Variants in NET1 observed in about 807,000 individuals in gnomAD.
NET1 encodes neuroepithelial cell transforming 1.
In NET1, 42 loss-of-function variants were observed where a neutral mutation model predicts 61.1. That is an observed-to-expected ratio of 0.69 (90% CI 0.54 to 0.89). NET1 has a LOEUF of 0.89. Ranked by LOEUF, NET1 falls within the 40% of genes least tolerant of loss-of-function variation. NET1 has a pLI of 0.00. For synonymous variants in NET1, 254 were observed against 281.8 expected, an observed-to-expected ratio of 0.90 and a Z score of 0.99; for missense variants, 654 against 747.3, an observed-to-expected ratio of 0.88 and a Z score of 1.46.
In NET1 at chr10:5,417,246, G is replaced by A. The variant is rs540126929; in HGVS notation, c.128+4426G>A. Among the ~76,000 whole-genome samples, 4 of 152,112 alleles carry A rather than the reference G, an allele frequency of 2.6e-5. No individual in the cohort carries two copies. The highest frequency in any genetic ancestry group is 2.1e-4 in the South Asian group (1 of 4,796). ...CTGTGTGTCTGCCTGCTAGGGTCTCGGGGGGTTTTTATAGGCACAGGTGGG... is the reference window on the plus strand; with the variant it reads ...CTGTGTGTCTGCCTGCTAGGGTCTCAGGGGGTTTTTATAGGCACAGGTGGG... On this transcript the variant is annotated intron_variant, in intron 1 of 11. Transcript: ENST00000355029. The surrounding 1 kb of genome is among the most constrained non-coding windows in gnomAD (Gnocchi z 5.5).
In NET1 at chr10:5,426,736, G is replaced by T; in HGVS notation, c.195+15G>T. 6.3e-7 allele frequency: 1 copy of T among 1,576,602 alleles called. No homozygotes were observed. The highest frequency in any genetic ancestry group is 1.2e-5 in the South Asian group (1 of 85,940). The stretch of plus-strand genomic sequence containing the variant: ...ACTTCACTTTGGTGAGTAGATACCT[G>T]GGTTTTTATTTCGAGACATTAGATA... On this transcript the variant is annotated intron_variant, in intron 2 of 11. Coordinates refer to ENST00000355029, the MANE Select transcript of NET1 (RefSeq NM_001047160.3). This position sits in a 1 kb window ranked among gnomAD's most constrained non-coding sequence, Gnocchi z 4.6.
In NET1 at chr10:5,421,968, C is replaced by G. The variant is rs1267633738; in HGVS notation, c.129-4687C>G. On this transcript the variant is annotated intron_variant, in intron 1 of 11. Coordinates refer to ENST00000355029, the MANE Select transcript of NET1 (RefSeq NM_001047160.3). This position sits in a 1 kb window ranked among gnomAD's most constrained non-coding sequence, Gnocchi z 4.2. Reference sequence around the variant, plus strand: ...ATGAATATACTACATTTTGTCAACTCCATTTACCAGCTGTTGTACATTTGA... The same window carrying G: ...ATGAATATACTACATTTTGTCAACTGCATTTACCAGCTGTTGTACATTTGA... Among the ~76,000 whole-genome samples the G allele has an allele frequency of 6.6e-6, 1 of 152,230 alleles. No homozygotes were observed. The highest frequency in any genetic ancestry group is 2.4e-5 in the African/African-American group (1 of 41,452).
At position 5,426,267 on chromosome 10, in the gene NET1, C is replaced by T. The variant is rs899718531; in HGVS notation, c.129-388C>T. ...TATTTTTGTTTTTTAAAATACTATA[C>T]GTGAATATGTTGCTAAATTTTTTGC... On this transcript the variant is annotated intron_variant, in intron 1 of 11. Transcript: ENST00000355029. This position sits in a 1 kb window ranked among gnomAD's most constrained non-coding sequence, Gnocchi z 4.6. Among the ~76,000 whole-genome samples, 10 of 152,008 alleles carry T rather than the reference C, an allele frequency of 6.6e-5. No individual in the cohort carries two copies. The highest frequency in any genetic ancestry group is 1.7e-4 in the African/African-American group (7 of 41,408).
At position 5,456,815 on chromosome 10, in the gene NET1, G is replaced by T. The variant is rs755625540; in HGVS notation, c.1612G>T (p.Ala538Ser). ...GAGGAAACTCACAGCCCAGAGGAGG[G>T]CATCCACAGTTTCCAGTGTTACTCA... is the stretch of plus-strand genomic sequence containing the variant. Reference protein sequence around the residue: ...SARKLTAQRRASTVSSVTQVE... With the variant: ...SARKLTAQRRSSTVSSVTQVE... The change falls in exon 12 of 12, where the codon GCA becomes TCA. Residue 538 changes from alanine (A) to serine (S), a missense_variant. Transcript: ENST00000355029. The surrounding 1 kb of genome is among the most constrained non-coding windows in gnomAD (Gnocchi z 7.0). 1.5e-5 allele frequency: 24 copies of T among 1,613,554 alleles called. No homozygotes were observed. The highest frequency in any genetic ancestry group is 2.0e-5 in the Non-Finnish European group (24 of 1,179,820).
intron 3 of NET1, among the ~76,000 whole-genome samples, chr10:5,438,959 C>T (rs1832482076): frequency 6.6e-6 from 1 of 152,218 alleles, no homozygotes; most frequent in Non-Finnish European, 1.5e-5. Context: ...CTGGAATCCA[C>T]AACGTAAATC....
intron 3 of NET1, among the ~76,000 whole-genome samples, chr10:5,434,899 C>T (rs2119186994): frequency 6.6e-6 from 1 of 152,166 alleles, no homozygotes; most frequent in East Asian, 1.9e-4. Context: ...ATATTAATAT[C>T]CTCATCTGCA....
chr10:5,453,077 A>G lies in NET1; in HGVS notation c.594+157A>G. The G allele has an allele frequency of 1.1e-5, 8 of 706,620 alleles. No homozygotes were observed. The South Asian group carries it at 1.4e-4, about 12-fold the overall frequency. The allele number at this position is 706,620 out of a possible 1,614,324, so 43.8% of individuals were successfully genotyped here. ...GTGAGGTCTAGACACATCCTCAAAT[A>G]CAAGTATTAGTAAGAGAGTTTATTT... On this transcript the variant is annotated intron_variant, in intron 6 of 11. Transcript: ENST00000355029. This position sits in a 1 kb window ranked among gnomAD's most constrained non-coding sequence, Gnocchi z 4.9.
rs1248712991 is a variant in NET1 at position 5,412,591 on chromosome 10, C to T, written c.-102C>T. 1.7e-5 allele frequency: 22 copies of T among 1,291,604 alleles called. No homozygotes were observed. The highest frequency in any genetic ancestry group is 2.1e-5 in the Non-Finnish European group (21 of 988,638). The allele number at this position is 1,291,604 out of a possible 1,614,324, so 80.0% of individuals were successfully genotyped here. ...GATGACGGCGGTGGCGGCTGCAGTC[C>T]GCTGACAGGCGCTTTCTGCCTGGCA... is the stretch of plus-strand genomic sequence containing the variant. On this transcript the variant is annotated 5_prime_UTR_variant, in exon 1 of 12. Coordinates refer to ENST00000355029, the MANE Select transcript of NET1 (RefSeq NM_001047160.3). This position sits in a 1 kb window ranked among gnomAD's most constrained non-coding sequence, Gnocchi z 6.5.
At chr10:5,450,654 C>A (rs997491458) in intron 3 of NET1, among the ~76,000 whole-genome samples, 1 of 152,020 alleles carries the variant, frequency 6.6e-6, no homozygotes, top group African/African-American at 2.4e-5. Context: ...CCTGGATTCT[C>A]ATCAAAATTA....
At chr10:5,418,545 A>G (rs1037946649) in intron 1 of NET1, among the ~76,000 whole-genome samples, 1 of 151,908 alleles carries the variant, frequency 6.6e-6, no homozygotes, top group Non-Finnish European at 1.5e-5. Context: ...TTTTATGATG[A>G]TGGTCAATCT....
chr10:5,432,671 A>G (rs1832367460), intron 3 of NET1, among the ~76,000 whole-genome samples: 1 of 151,920 alleles, frequency 6.6e-6, no homozygotes, highest in Admixed American at 6.6e-5. Flanking sequence ...ATTCTTGTTC[A>G]TATTCCTGAC....
At position 5,449,996 on chromosome 10, in the gene NET1, C is replaced by G. The variant is rs906094920; in HGVS notation, c.256-1834C>G. 2.0e-5 allele frequency among the ~76,000 whole-genome samples: 3 copies of G among 152,184 alleles called. No homozygotes were observed. The highest frequency in any genetic ancestry group is 2.9e-5 in the Non-Finnish European group (2 of 68,036). ...TGAGGTAATTCTATCTTCAGTCCAA[C>G]AGGAGACTCTTTGTGCTGTCTTTAC... On this transcript the variant is annotated intron_variant, in intron 3 of 11. Transcript: ENST00000355029. The surrounding 1 kb of genome is among the most constrained non-coding windows in gnomAD (Gnocchi z 4.4).
intron 3 of NET1, among the ~76,000 whole-genome samples, chr10:5,442,810 G>A (rs1406725210): frequency 6.6e-6 from 1 of 150,616 alleles, no homozygotes; most frequent in African/African-American, 2.4e-5. Context: ...CCAGGAGGCA[G>A]AGGTTGCAGT....
intron 2 of NET1, among the ~76,000 whole-genome samples, chr10:5,428,245 C>T (rs1443370615): frequency 4.0e-5 from 6 of 151,858 alleles, no homozygotes; most frequent in South Asian, 2.1e-4. Context: ...AAGTGTTACC[C>T]GTGGGTGCTT....
chr10:5,414,241 A>C (rs1285719183), intron 1 of NET1, among the ~76,000 whole-genome samples: 1 of 152,216 alleles, frequency 6.6e-6, no homozygotes, highest in Non-Finnish European at 1.5e-5. Context: ...GCGCCACATC[A>C]TGAAGAGACC....
At position 5,444,690 on chromosome 10, in the gene NET1, C is replaced by T. The variant is rs535924749; in HGVS notation, c.256-7140C>T. Among the ~76,000 whole-genome samples the T allele has an allele frequency of 3.3e-5, 5 of 152,200 alleles. No homozygotes were observed. The highest frequency in any genetic ancestry group is 1.2e-4 in the African/African-American group (5 of 41,534). On this transcript the variant is annotated intron_variant, in intron 3 of 11. Coordinates refer to ENST00000355029, the MANE Select transcript of NET1 (RefSeq NM_001047160.3). The surrounding 1 kb of genome is among the most constrained non-coding windows in gnomAD (Gnocchi z 5.3). ...ATCCTTGGACCATGTTCTTTTTGTCCAAATTTTCTCTCCCAGTCATCTCAT... is the reference window on the plus strand; with the variant it reads ...ATCCTTGGACCATGTTCTTTTTGTCTAAATTTTCTCTCCCAGTCATCTCAT...
chr10:5,454,192 C>A lies in NET1; in HGVS notation c.769-73C>A. 6.9e-7 allele frequency: 1 copy of A among 1,457,608 alleles called. No homozygotes were observed. 90.3% of individuals were successfully genotyped at this position (1,457,608 alleles called of 1,614,324 possible). On this transcript the variant is annotated intron_variant, in intron 8 of 11. Coordinates refer to ENST00000355029, the MANE Select transcript of NET1 (RefSeq NM_001047160.3). The surrounding 1 kb of genome is among the most constrained non-coding windows in gnomAD (Gnocchi z 8.1). Reference sequence around the variant, plus strand: ...AAGAATAGCTGTACATTTTGTGTTTCATGTTTGCAGGCTTGTTAATGCACT... The same window carrying A: ...AAGAATAGCTGTACATTTTGTGTTTAATGTTTGCAGGCTTGTTAATGCACT...
intron 3 of NET1, among the ~76,000 whole-genome samples, chr10:5,448,518 C>T (rs935400810): frequency 7.9e-5 from 12 of 152,100 alleles, no homozygotes; most frequent in Non-Finnish European, 1.8e-4. Flanking sequence ...TAAAAATTAA[C>T]CTAAATTGAC....
rs888408569 is a variant in NET1 at position 5,421,319 on chromosome 10, A to G, written c.129-5336A>G. Reference sequence around the variant, plus strand: ...TACATATCACCCATATGGCAGAAATATAAATACATACTGATCCTTTTAAGG... The same window carrying G: ...TACATATCACCCATATGGCAGAAATGTAAATACATACTGATCCTTTTAAGG... On this transcript the variant is annotated intron_variant, in intron 1 of 11. Coordinates refer to ENST00000355029, the MANE Select transcript of NET1 (RefSeq NM_001047160.3). The surrounding 1 kb of genome is among the most constrained non-coding windows in gnomAD (Gnocchi z 4.2). Among the ~76,000 whole-genome samples the G allele has an allele frequency of 3.3e-5, 5 of 152,368 alleles. No individual in the cohort carries two copies. The highest frequency in any genetic ancestry group is 1.2e-4 in the African/African-American group (5 of 41,592).
Sources: gnomAD v4.1 joint callset for allele counts (sites outside exome capture counted in the v4.1 genomes callset) on GRCh38, gnomAD v4.1.1 for gene constraint, Gnocchi (gnomAD v3.1) non-coding constraint, MANE v1.5 for transcripts, NCBI Gene and HGNC (gene_info 2026-07-23, HGNC 2026-07-21) for gene names.